The following NPHP4 variants were observed in gnomAD, a reference collection of about 807,000 sequenced individuals.
NPHP4 encodes nephrocystin-4.
A neutral mutation model predicts 155.8 loss-of-function variants in NPHP4; 151 were observed. The observed-to-expected ratio is 0.97, with a 90% CI of 0.85 to 1.11. NPHP4 has a LOEUF of 1.11. NPHP4 is among the 50% of genes least tolerant of loss of function. The pLI is 0.00. For missense variants in NPHP4, 1,956 were observed against 1,925.7 expected (o/e 1.02, Z -0.29); for synonymous variants, 845 against 816.8 (o/e 1.03, Z -0.59).
intron 23 of NPHP4, among the ~76,000 whole-genome samples, chr1:5,868,664 A>G (rs1641543372): frequency 6.7e-6 from 1 of 149,004 alleles, no homozygotes; most frequent in African/African-American, 2.5e-5. Context: ...GCATCCAGCC[A>G]CAAATGCACA....
chr1:5,921,257 A>G (rs1372135764), intron 11 of NPHP4, among the ~76,000 whole-genome samples: 3 of 152,260 alleles, frequency 2.0e-5, no homozygotes, highest in Non-Finnish European at 4.4e-5. Flanking sequence ...CAAGTAAGTC[A>G]GTTTATCCAT....
chr1:5,947,750 C>T (rs1026958621), intron 8 of NPHP4, among the ~76,000 whole-genome samples: 35 of 152,166 alleles, frequency 2.3e-4, no homozygotes, highest in Admixed American at 1.3e-4. Context: ...CCTGACTCTC[C>T]GTCCTATGAG....
rs753315451 is a variant in NPHP4, at chr1:5,967,339, G to C, written c.477C>G (p.Pro159=). The part of the protein sequence containing the change: ...DKRLRLYHGT[P]RALLHPLLQD... ...GGAGAAGCGGGTGCAGGAGGGCTCT[G>C]GGGGTGCCATGGTACAGCCGCAACC... Residue 159 remains proline, a synonymous_variant, in exon 5 of 30, where the codon CCC becomes CCG. Coordinates refer to ENST00000378156, the MANE Select transcript of NPHP4 (RefSeq NM_015102.5). The C allele has an allele frequency of 6.2e-7, 1 of 1,607,714 alleles. No individual in the cohort carries two copies. Among genetic ancestry groups the C allele is most frequent in the Non-Finnish European group, 8.5e-7 (1 of 1,177,628 alleles).
At chr1:5,914,084 C>A (rs959618226) in intron 11 of NPHP4, among the ~76,000 whole-genome samples, 15 of 151,934 alleles carry the variant, frequency 9.9e-5, no homozygotes, top group Admixed American at 8.5e-4. Flanking sequence ...CCACCAACAA[C>A]CCTCTCTCAC....
At chr1:5,967,627 T>C (rs1272210862) in intron 4 of NPHP4, among the ~76,000 whole-genome samples, 1 of 152,124 alleles carries the variant, frequency 6.6e-6, no homozygotes, top group Non-Finnish European at 1.5e-5. Flanking sequence ...ACCATGGAAA[T>C]TTACAAAACT....
chr1:5,874,347 C>T lies in NPHP4; in HGVS notation c.3231+124G>A, dbSNP rs566996574. 1,319 of 947,134 alleles carry T rather than the reference C, an allele frequency of 1.4e-3. 4 individuals are homozygous for T. The highest frequency in any genetic ancestry group is 4.3e-3 in the Admixed American group (133 of 31,116). 58.7% of individuals were successfully genotyped at this position (947,134 alleles called of 1,614,324 possible). A position where few individuals can be genotyped will look rare whatever the true frequency, so the allele number is the denominator to read the frequency against. On this transcript the variant is annotated intron_variant, in intron 22 of 29. Coordinates refer to ENST00000378156, the MANE Select transcript of NPHP4 (RefSeq NM_015102.5). Reference sequence around the variant, plus strand: ...CTTGTTGAGCACCAAGGGGAGTGGGCGGCAGCCCCAAGGCTAGTCTGTCTG... The same window carrying T: ...CTTGTTGAGCACCAAGGGGAGTGGGTGGCAGCCCCAAGGCTAGTCTGTCTG...
At chr1:5,917,015 G>A (rs1016089342) in intron 11 of NPHP4, among the ~76,000 whole-genome samples, 1 of 152,266 alleles carries the variant, frequency 6.6e-6, no homozygotes, top group Non-Finnish European at 1.5e-5. Flanking sequence ...CAAAGCGGCA[G>A]TGGCAGGGAA....
rs1645101844 is a variant in NPHP4, at chr1:5,910,015, G to A, written c.1442-802C>T. 6.6e-6 allele frequency among the ~76,000 whole-genome samples: 1 copy of A among 152,334 alleles called. No homozygotes were observed. Among genetic ancestry groups the A allele is most frequent in the Non-Finnish European group, 1.5e-5 (1 of 68,030 alleles). ...AGCCCCTGCACCTCAGCAGGAGGAA[G>A]CCCCAGCATCGCTGGAGTCTCTGAA... On this transcript the variant is annotated intron_variant, in intron 11 of 29. Transcript: ENST00000378156. The surrounding 1 kb of genome is among the most constrained non-coding windows in gnomAD (Gnocchi z 5.4).
At chr1:5,864,085 C>T (rs1051913334) in intron 28 of NPHP4, 52 bp from the exon 29 acceptor site, 8 of 1,589,148 alleles carry the variant, frequency 5.0e-6, no homozygotes, top group Admixed American at 1.7e-5. Flanking sequence ...GGAACAGCCA[C>T]TGGCCCTTCC....
At chr1:5,975,617 C>G (rs1278830707) in intron 3 of NPHP4, among the ~76,000 whole-genome samples, 1 of 152,228 alleles carries the variant, frequency 6.6e-6, no homozygotes, top group Non-Finnish European at 1.5e-5. Flanking sequence ...AGCCACGTGG[C>G]TCCCACAGTC....
intron 5 of NPHP4, among the ~76,000 whole-genome samples, chr1:5,963,687 TTC>T (rs1472754050): frequency 1.8e-5 from 2 of 112,300 alleles, no homozygotes; most frequent in African/African-American, 6.5e-5. Context: ...ACCTTTTCTT[TTC>T]TTTTTTTTTT....
At chr1:5,985,378 T>C (rs898730813) in intron 2 of NPHP4, among the ~76,000 whole-genome samples, 7 of 152,208 alleles carry the variant, frequency 4.6e-5, no homozygotes, top group Non-Finnish European at 1.0e-4. Context: ...GTCCAGCAGG[T>C]TCCCCGCCAG....
intron 1 of NPHP4, among the ~76,000 whole-genome samples, chr1:5,991,862 G>A (rs1011675773): frequency 1.3e-5 from 2 of 149,564 alleles, no homozygotes; most frequent in African/African-American, 4.9e-5. Context: ...TAGGGCGCGG[G>A]GAGCCAAGGC....
At chr1:5,896,511 G>A (rs1644402415) in intron 16 of NPHP4, among the ~76,000 whole-genome samples, 1 of 152,118 alleles carries the variant, frequency 6.6e-6, no homozygotes, top group South Asian at 2.1e-4. Flanking sequence ...TTGTGAAAAT[G>A]CATTCTATAC....
intron 9 of NPHP4, among the ~76,000 whole-genome samples, chr1:5,942,551 A>AGAAG (rs1414900633): frequency 2.2e-4 from 31 of 143,308 alleles, no homozygotes; most frequent in African/African-American, 7.3e-4. Flanking sequence ...AAAAAAAAAA[A>AGAAG]GGAGACTAAA....
chr1:5,971,266 A>G (rs1195175745), intron 3 of NPHP4, among the ~76,000 whole-genome samples: 1 of 152,172 alleles, frequency 6.6e-6, no homozygotes, highest in Non-Finnish European at 1.5e-5. Flanking sequence ...AAACAACAAC[A>G]ACAGCAACAG....
At chr1:5,945,483 T>C (rs1400144647) in intron 9 of NPHP4, among the ~76,000 whole-genome samples, 1 of 152,210 alleles carries the variant, frequency 6.6e-6, no homozygotes, top group Non-Finnish European at 1.5e-5. Context: ...ACTTCTGGAT[T>C]TCTGCACCTA....
At chr1:5,958,080 A>C (rs1003851729) in intron 6 of NPHP4, among the ~76,000 whole-genome samples, 1 of 152,288 alleles carries the variant, frequency 6.6e-6, no homozygotes, top group Admixed American at 6.5e-5. Flanking sequence ...ACACCAAACT[A>C]TGATCAGTGG....
At chr1:5,954,654 T>C (rs1051323345) in intron 6 of NPHP4, among the ~76,000 whole-genome samples, 1 of 152,184 alleles carries the variant, frequency 6.6e-6, no homozygotes, top group Non-Finnish European at 1.5e-5. Flanking sequence ...TGCAGAAGAA[T>C]GAGATGAGAC....
Sources: allele counts gnomAD v4.1 joint callset (sites outside exome capture counted in the v4.1 genomes callset), GRCh38; gene constraint gnomAD v4.1.1; non-coding constraint Gnocchi (gnomAD v3.1); transcripts MANE v1.5; gene names NCBI Gene and HGNC (gene_info 2026-07-23, HGNC 2026-07-21).